PSD3: variants seen among roughly 807,000 people sequenced by gnomAD.
The protein encoded by PSD3 is PH and SEC7 domain-containing protein 3.
In PSD3, 49 loss-of-function variants were observed where a neutral mutation model predicts 105.5. The observed-to-expected ratio is 0.46, with a 90% CI of 0.37 to 0.59. The LOEUF is 0.59. Among genes scored for constraint, PSD3 ranks in the 20% least tolerant of loss-of-function variants. The pLI, the probability that PSD3 is intolerant of heterozygous loss-of-function variation, is 0.00. For synonymous variants in PSD3, 557 were observed against 457.8 expected (o/e 1.22, Z -2.77); for missense variants, 1,561 against 1,263.8 (o/e 1.24, Z -3.57).
At chr8:18,935,547 A>C (rs570800533) in intron 2 of PSD3, among the ~76,000 whole-genome samples, 2 of 151,644 alleles carry the variant, frequency 1.3e-5, no homozygotes, top group African/African-American at 4.8e-5. Flanking sequence ...TATTTTTTTA[A>C]TTAGTCAGGT....
chr8:18,664,123 C>T (rs1416650711), intron 9 of PSD3, among the ~76,000 whole-genome samples: 1 of 152,156 alleles, frequency 6.6e-6, no homozygotes, highest in Non-Finnish European at 1.5e-5. Flanking sequence ...AGTAATCCTG[C>T]AATGGTCTCT....
At chr8:19,037,035 C>G (rs898431058) in intron 1 of PSD3, among the ~76,000 whole-genome samples, 1 of 152,226 alleles carries the variant, frequency 6.6e-6, no homozygotes, top group African/African-American at 2.4e-5. Flanking sequence ...TAGAATTTAC[C>G]TATCCTTGGG....
At chr8:18,989,619 T>C (rs994184300) in intron 1 of PSD3, among the ~76,000 whole-genome samples, 1 of 152,256 alleles carries the variant, frequency 6.6e-6, no homozygotes, top group Non-Finnish European at 1.5e-5. Context: ...GAGGTCTGAT[T>C]ACATTTTCTA....
At chr8:18,838,718 C>T (rs1167862897) in intron 4 of PSD3, among the ~76,000 whole-genome samples, 2 of 151,358 alleles carry the variant, frequency 1.3e-5, no homozygotes, top group East Asian at 3.9e-4. Context: ...AGGAGAATGG[C>T]GTGAACCCGG....
intron 9 of PSD3, among the ~76,000 whole-genome samples, chr8:18,740,885 C>T (rs1804519555): frequency 6.6e-6 from 1 of 152,172 alleles, no homozygotes; most frequent in Non-Finnish European, 1.5e-5. Flanking sequence ...TCAGCACTTC[C>T]ACTAGACTTT....
At chr8:18,553,711 A>T (rs546287904) in intron 15 of PSD3, among the ~76,000 whole-genome samples, 1 of 152,324 alleles carries the variant, frequency 6.6e-6, no homozygotes, top group East Asian at 1.9e-4. Context: ...TATGACTTCA[A>T]TGTTAATTTA....
intron 2 of PSD3, among the ~76,000 whole-genome samples, chr8:18,905,394 G>C (rs2051679300): frequency 6.6e-6 from 1 of 152,148 alleles, no homozygotes; most frequent in Non-Finnish European, 1.5e-5. Context: ...CGCGATCTCA[G>C]CTCACTGTAA....
rs1474329116 is a variant in PSD3 at position 18,534,832 on chromosome 8, T to C, written c.*911A>G. 2 of 152,150 alleles carry C rather than the reference T, an allele frequency of 1.3e-5. No homozygotes were observed. The highest frequency in any genetic ancestry group is 4.8e-5 in the African/African-American group (2 of 41,272). The allele number at this position is 152,150 out of a possible 1,614,324, so 9.4% of individuals were successfully genotyped here. A position where few individuals can be genotyped will look rare whatever the true frequency, so the allele number is the denominator to read the frequency against. On this transcript the variant is annotated 3_prime_UTR_variant, in exon 16 of 16. Coordinates refer to ENST00000327040, the MANE Select transcript of PSD3 (RefSeq NM_015310.4). ...GCACACACACGCACGCACACACACA[T>C]ATGTAGAGTAAGAAAAATCTATTCC...
chr8:18,584,336 A>C (rs1029497127), intron 12 of PSD3, among the ~76,000 whole-genome samples: 19 of 152,340 alleles, frequency 1.2e-4, no homozygotes, highest in African/African-American at 4.6e-4. Flanking sequence ...AAGTCATAAC[A>C]GTTAGAGACC....
chr8:18,838,743 A>G (rs1814357279), intron 4 of PSD3, among the ~76,000 whole-genome samples: 1 of 151,130 alleles, frequency 6.6e-6, no homozygotes, highest in African/African-American at 2.4e-5. Flanking sequence ...CAGAGCTTGC[A>G]GTGAGCCGCG....
At chr8:18,761,867 G>C (rs1806570186) in intron 9 of PSD3, among the ~76,000 whole-genome samples, 1 of 152,110 alleles carries the variant, frequency 6.6e-6, no homozygotes. Context: ...TAAGACAGTA[G>C]CAAATTTTTC....
At chr8:19,001,899 CAAG>C (rs1202835647) in intron 1 of PSD3, 1 of 187,314 alleles carries the variant, frequency 5.3e-6, no homozygotes, top group African/African-American at 2.4e-5. Flanking sequence ...GGACAAGGCA[CAAG>C]AAGAAGTCTG....
At chr8:19,059,772 G>C (rs1371507567) in intron 1 of PSD3, among the ~76,000 whole-genome samples, 1 of 152,214 alleles carries the variant, frequency 6.6e-6, no homozygotes, top group East Asian at 1.9e-4. Context: ...TTCACAGAAA[G>C]TTCATGGCCT....
chr8:19,024,384 A>G (rs1484431099), intron 1 of PSD3, among the ~76,000 whole-genome samples: 1 of 152,194 alleles, frequency 6.6e-6, no homozygotes, highest in Non-Finnish European at 1.5e-5. Flanking sequence ...TGATGAAGGG[A>G]GATAATGAAG....
intron 1 of PSD3, among the ~76,000 whole-genome samples, chr8:19,020,617 A>G (rs1336213175): frequency 6.6e-6 from 1 of 151,974 alleles, no homozygotes; most frequent in Non-Finnish European, 1.5e-5. Flanking sequence ...GGTATTATGT[A>G]TTGGAAGCAA....
intron 11 of PSD3, among the ~76,000 whole-genome samples, chr8:18,610,204 T>C (rs1225861429): frequency 6.6e-6 from 1 of 152,212 alleles, no homozygotes; most frequent in Non-Finnish European, 1.5e-5. Context: ...AAACTAAATA[T>C]GGCCTTAGGA....
At chr8:19,034,411 C>G (rs1281317824) in intron 1 of PSD3, among the ~76,000 whole-genome samples, 1 of 152,176 alleles carries the variant, frequency 6.6e-6, no homozygotes. Flanking sequence ...AAGCAGGAAA[C>G]CCTTAGACAA....
intron 2 of PSD3, among the ~76,000 whole-genome samples, chr8:18,882,966 T>A (rs541622399): frequency 6.6e-6 from 1 of 152,218 alleles, no homozygotes; most frequent in East Asian, 1.9e-4. Flanking sequence ...CAGAGAACAT[T>A]TCCGTCATCA....
intron 4 of PSD3, among the ~76,000 whole-genome samples, chr8:18,830,441 T>C (rs1385147819): frequency 6.6e-6 from 1 of 152,144 alleles, no homozygotes; most frequent in Non-Finnish European, 1.5e-5. Context: ...TTACAACAAG[T>C]TTTATACACC....
Sources: gnomAD v4.1 joint callset for allele counts (sites outside exome capture counted in the v4.1 genomes callset) on GRCh38, gnomAD v4.1.1 for gene constraint, MANE v1.5 for transcripts, NCBI Gene and HGNC (gene_info 2026-07-23, HGNC 2026-07-21) for gene names.